The following NRCAM variants were observed in gnomAD, a reference collection of about 807,000 sequenced individuals.
NRCAM encodes neuronal cell adhesion molecule.
A neutral mutation model predicts 156.5 loss-of-function variants in NRCAM; 83 were observed. The observed-to-expected ratio is 0.53, with a 90% CI of 0.44 to 0.64. The LOEUF (loss-of-function observed/expected upper bound fraction) is 0.64. Among genes scored for constraint, NRCAM ranks in the 30% least tolerant of loss-of-function variants. The pLI is 0.00. For missense variants in NRCAM, 1,417 were observed against 1,597.3 expected (o/e 0.89, Z 1.92); for synonymous variants, 538 against 563.9 (o/e 0.95, Z 0.65).
At chr7:108,210,209 A>G (rs2083339735) in intron 11 of NRCAM, among the ~76,000 whole-genome samples, 1 of 151,812 alleles carries the variant, frequency 6.6e-6, no homozygotes, top group African/African-American at 2.4e-5. Context: ...AATAGATCAA[A>G]CTTAGGTATT....
chr7:108,281,132 A>C (rs2097845138), intron 3 of NRCAM, among the ~76,000 whole-genome samples: 1 of 152,116 alleles, frequency 6.6e-6, no homozygotes, highest in East Asian at 1.9e-4. Flanking sequence ...AATATCTAAA[A>C]AATTATAAAA....
chr7:108,168,190 A>T, intron 29 of NRCAM, 87 bp downstream of exon 29: 1 of 1,299,216 alleles, frequency 7.7e-7, no homozygotes, highest in East Asian at 2.7e-5. Context: ...TTTCAAGATG[A>T]TCCATAGTAA....
intron 11 of NRCAM, among the ~76,000 whole-genome samples, chr7:108,217,258 C>A (rs1270672433): frequency 6.6e-6 from 1 of 152,226 alleles, no homozygotes; most frequent in East Asian, 1.9e-4. Flanking sequence ...GGCTGCAGAA[C>A]AGCAAAGGTT....
chr7:108,275,903 A>G (rs1399326688), intron 3 of NRCAM, among the ~76,000 whole-genome samples: 2 of 151,894 alleles, frequency 1.3e-5, no homozygotes, highest in Non-Finnish European at 2.9e-5. Context: ...ACACTGCTTT[A>G]AATGTGTCCC....
chr7:108,348,698 G>A (rs2099387983), intron 2 of NRCAM, among the ~76,000 whole-genome samples: 1 of 151,964 alleles, frequency 6.6e-6, no homozygotes, highest in Non-Finnish European at 1.5e-5. Context: ...TGGATCACTG[G>A]AGGTCAGGAG....
intron 1 of NRCAM, among the ~76,000 whole-genome samples, chr7:108,448,428 A>C (rs1846816211): frequency 1.3e-5 from 2 of 152,242 alleles, no homozygotes; most frequent in African/African-American, 4.8e-5. Context: ...AGAAGAAAAG[A>C]CTATGTCGAG....
intron 3 of NRCAM, among the ~76,000 whole-genome samples, chr7:108,286,647 C>T (rs899613199): frequency 1.1e-4 from 16 of 152,000 alleles, no homozygotes; most frequent in Admixed American, 8.5e-4. Flanking sequence ...GTAAGTGTTT[C>T]CCCTCCCATT....
intron 3 of NRCAM, among the ~76,000 whole-genome samples, chr7:108,294,327 TAACTGCTTCGAATCTGGGGATCA>T (rs2098409391): frequency 6.7e-6 from 1 of 148,644 alleles, no homozygotes; most frequent in African/African-American, 2.5e-5. Flanking sequence ...CCAGAAGGGC[TAACTGCTTCGAATCTGGGGATCA>T]CCTCTTCTTC....
chr7:108,397,256 G>C (rs993928133), intron 2 of NRCAM, among the ~76,000 whole-genome samples: 11 of 152,290 alleles, frequency 7.2e-5, no homozygotes, highest in South Asian at 6.2e-4. Context: ...GACCTTTAAA[G>C]TTCCTGAAAA....
intron 3 of NRCAM, among the ~76,000 whole-genome samples, chr7:108,256,003 G>T (rs1388275384): frequency 2.9e-4 from 22 of 76,668 alleles, no homozygotes; most frequent in African/African-American, 6.8e-4. Flanking sequence ...CCGGGAGGGA[G>T]GTGGGGGCAG....
intron 1 of NRCAM, among the ~76,000 whole-genome samples, chr7:108,440,160 A>G (rs1166395415): frequency 2.0e-5 from 3 of 152,176 alleles, no homozygotes; most frequent in Non-Finnish European, 1.5e-5. Context: ...TGGTATCTAC[A>G]TACCAGGGAA....
intron 10 of NRCAM, among the ~76,000 whole-genome samples, chr7:108,224,353 A>G (rs1449161819): frequency 6.6e-6 from 1 of 152,162 alleles, no homozygotes; most frequent in East Asian, 1.9e-4. Flanking sequence ...TCAAACTGTG[A>G]GGTTTATGGA....
chr7:108,368,833 T>A (rs535939863), intron 2 of NRCAM, among the ~76,000 whole-genome samples: 3 of 152,310 alleles, frequency 2.0e-5, no homozygotes, highest in African/African-American at 7.2e-5. Context: ...TGGCTTTACT[T>A]AGGGATATAT....
chr7:108,397,051 A>G (rs2099778714), intron 2 of NRCAM, among the ~76,000 whole-genome samples: 1 of 152,208 alleles, frequency 6.6e-6, no homozygotes, highest in Non-Finnish European at 1.5e-5. Flanking sequence ...ACTTAATTCA[A>G]TTCCCTATTT....
intron 2 of NRCAM, among the ~76,000 whole-genome samples, chr7:108,398,689 G>A (rs1322836645): frequency 6.6e-6 from 1 of 152,158 alleles, no homozygotes; most frequent in Non-Finnish European, 1.5e-5. Context: ...CCTCTAGGAA[G>A]CCTGCTTTTA....
intron 2 of NRCAM, among the ~76,000 whole-genome samples, chr7:108,321,640 T>A (rs2099002495): frequency 1.3e-5 from 2 of 152,204 alleles, no homozygotes; most frequent in Non-Finnish European, 2.9e-5. Flanking sequence ...TCCTGGGAAG[T>A]AAGACCTACT....
rs34404114 is a variant in NRCAM, at chr7:108,203,449, GT to G, written c.1207+4078del. On this transcript the variant is annotated intron_variant, in intron 13 of 32. Transcript: ENST00000379028. ...GACACTTTTGGAGTTAATTTTTCCA[GT>G]TTTTTTTTTTTAAAACAACAGCTTT... Among the ~76,000 whole-genome samples the G allele has an allele frequency of 6.3e-3, 941 of 148,380 alleles. 13 individuals carry two copies. The highest frequency in any genetic ancestry group is 0.022 in the African/African-American group (895 of 40,522).
chr7:108,241,754 T>C (rs1395451604), intron 3 of NRCAM, among the ~76,000 whole-genome samples: 1 of 152,186 alleles, frequency 6.6e-6, no homozygotes, highest in Non-Finnish European at 1.5e-5. Flanking sequence ...TTTGGATAGT[T>C]TGACTATGAT....
chr7:108,412,772 T>C (rs913755051), intron 1 of NRCAM, among the ~76,000 whole-genome samples: 2 of 152,164 alleles, frequency 1.3e-5, no homozygotes, highest in Non-Finnish European at 1.5e-5. Context: ...TTTTAAAGAT[T>C]CTACATGAAA....
Sources: gnomAD v4.1 joint callset for allele counts (sites outside exome capture counted in the v4.1 genomes callset) on GRCh38, gnomAD v4.1.1 for gene constraint, MANE v1.5 for transcripts, NCBI Gene and HGNC (gene_info 2026-07-23, HGNC 2026-07-21) for gene names.